TCHP: variants seen among roughly 807,000 people sequenced by gnomAD.
The protein encoded by TCHP is trichoplein keratin filament binding.
Under a neutral mutation model 88.7 loss-of-function variants are expected in TCHP, and 81 were observed. The observed-to-expected ratio is 0.91, with a 90% CI of 0.76 to 1.10. TCHP has a LOEUF of 1.10. Ranked by LOEUF, TCHP falls within the 50% of genes least tolerant of loss-of-function variation. The probability of loss-of-function intolerance (pLI) is 0.00; values close to 1 mark genes in which losing one functional copy is unlikely to be tolerated. For synonymous variants in TCHP, 232 were observed against 232.5 expected, an observed-to-expected ratio of 1.00 and a Z score of 0.02; for missense variants, 641 against 632.1, an observed-to-expected ratio of 1.01 and a Z score of -0.15.
intron 9 of TCHP, 88 bp from the exon 10 acceptor site, chr12:109,912,879 TCTGCAGTGTGGTCCTGCAGAAGCC>T (rs1373371067): frequency 1.3e-6 from 1 of 771,930 alleles, no homozygotes; most frequent in Non-Finnish European, 2.3e-6. Context: ...TGGATGTTTA[TCTGCAGTGTGGTCCTGCAGAAGCC>T]ATGTGCCCTG....
the TCHP span, among the ~76,000 whole-genome samples, chr12:109,885,388 A>G: frequency 5.3e-5 from 8 of 152,184 alleles, no homozygotes; most frequent in Admixed American, 1.3e-4. Context: ...TGTGTCACAA[A>G]CTATCACAGA....
the TCHP span, among the ~76,000 whole-genome samples, chr12:109,882,352 T>C: frequency 6.7e-6 from 1 of 150,000 alleles, no homozygotes; most frequent in African/African-American, 2.5e-5. Context: ...GAGAATTGCT[T>C]GAACCAGGGA....
the TCHP span, among the ~76,000 whole-genome samples, chr12:109,891,587 A>G: frequency 6.6e-6 from 1 of 150,542 alleles, no homozygotes; most frequent in Non-Finnish European, 1.5e-5. Context: ...TTTTTAGTAG[A>G]GACTGGTTTC....
chr12:109,894,830 T>C, the TCHP span, among the ~76,000 whole-genome samples: 1 of 144,234 alleles, frequency 6.9e-6, no homozygotes, highest in African/African-American at 2.6e-5. Flanking sequence ...CAGGTTTCCC[T>C]CAGGGAGTTC....
At chr12:109,885,311 G>T in the TCHP span, among the ~76,000 whole-genome samples, 1 of 152,034 alleles carries the variant, frequency 6.6e-6, no homozygotes, top group Non-Finnish European at 1.5e-5. Flanking sequence ...TTTTGGTTTT[G>T]TCTGATGTTT....
intron 8 of TCHP, among the ~76,000 whole-genome samples, chr12:109,910,503 G>A (rs768974517): frequency 2.6e-5 from 4 of 152,138 alleles, no homozygotes; most frequent in Non-Finnish European, 4.4e-5. Context: ...TTGCTACATT[G>A]CCCAGGCTGG....
intron 8 of TCHP, among the ~76,000 whole-genome samples, chr12:109,909,869 ACAGAAGAAT>A (rs1870385676): frequency 1.3e-5 from 2 of 152,276 alleles, no homozygotes; most frequent in East Asian, 3.9e-4. Context: ...GGAGGCAGAG[ACAGAAGAAT>A]CATTTGAACC....
intron 1 of TCHP, among the ~76,000 whole-genome samples, chr12:109,901,998 A>T (rs762407518): frequency 6.6e-6 from 1 of 152,170 alleles, no homozygotes; most frequent in African/African-American, 2.4e-5. Context: ...AAAAAAAGTC[A>T]TATGTATTGA....
At chr12:109,896,518 G>A (rs368243246), upstream of TCHP, among the ~76,000 whole-genome samples, 7 of 152,256 alleles carry the variant, frequency 4.6e-5, no homozygotes, top group East Asian at 1.9e-4. Flanking sequence ...AGAAATGCTC[G>A]TTCCTTTTCT....
At chr12:109,881,576 C>A in the TCHP span, among the ~76,000 whole-genome samples, 1 of 152,224 alleles carries the variant, frequency 6.6e-6, no homozygotes, top group African/African-American at 2.4e-5. Context: ...GTGGGGTGGA[C>A]TTTTCGTTCT....
At position 109,917,693 on chromosome 12, in the gene TCHP, A is replaced by G. The variant is rs957203709; in HGVS notation, c.*1070A>G. ...TCTACATTCATTTCTACAAACAGGAACAAGTTCCTTGCAGCAATAATATTA... is the reference window on the plus strand; with the variant it reads ...TCTACATTCATTTCTACAAACAGGAGCAAGTTCCTTGCAGCAATAATATTA... On this transcript the variant is annotated 3_prime_UTR_variant, in exon 13 of 13. Coordinates refer to ENST00000405876, the MANE Select transcript of TCHP (RefSeq NM_001143852.2). The G allele has an allele frequency of 2.6e-5, 4 of 152,594 alleles. No homozygotes were observed. The highest frequency in any genetic ancestry group is 5.9e-5 in the Non-Finnish European group (4 of 68,030). 9.5% of individuals were successfully genotyped at this position (152,594 alleles called of 1,614,324 possible).
intron 6 of TCHP, among the ~76,000 whole-genome samples, chr12:109,907,968 CCTT>C (rs1415582333): frequency 1.3e-5 from 2 of 152,204 alleles, no homozygotes; most frequent in Admixed American, 6.5e-5. Flanking sequence ...TGTTGGAGAA[CCTT>C]CTTAGAATCT....
upstream of TCHP, among the ~76,000 whole-genome samples, chr12:109,899,360 C>G (rs764626283): frequency 6.6e-6 from 1 of 152,160 alleles, no homozygotes; most frequent in Non-Finnish European, 1.5e-5. Flanking sequence ...AAGTTATCGG[C>G]CGGGTGCAGT....
At chr12:109,907,362 C>T (rs1870198210) in intron 5 of TCHP, among the ~76,000 whole-genome samples, 164 bp from the exon 6 acceptor site, 1 of 152,164 alleles carries the variant, frequency 6.6e-6, no homozygotes, top group Non-Finnish European at 1.5e-5. Flanking sequence ...GGAGGAAACC[C>T]AACATTATTG....
intron 6 of TCHP, 119 bp downstream of exon 6, chr12:109,907,818 G>T: frequency 8.7e-7 from 1 of 1,146,886 alleles, no homozygotes. Flanking sequence ...TGCAAAGGGC[G>T]GCAGCAGCCG....
chr12:109,903,843 C>A lies in TCHP; in HGVS notation c.189-94C>A. The stretch of plus-strand genomic sequence containing the variant: ...GACACATTCCTGTGTCGTCATGACA[C>A]ATCTACCTCAGCCTCTTTTACCGAC... On this transcript the variant is annotated intron_variant, in intron 2 of 12. Transcript: ENST00000405876. This position sits in a 1 kb window ranked among gnomAD's most constrained non-coding sequence, Gnocchi z 4.6. The A allele has an allele frequency of 1.0e-6, 1 of 986,900 alleles. No homozygotes were observed. The highest frequency in any genetic ancestry group is 1.6e-6 in the Non-Finnish European group (1 of 639,376). 61.1% of individuals were successfully genotyped at this position (986,900 alleles called of 1,614,324 possible).
At chr12:109,908,473 TG>T in intron 6 of TCHP, 112 bp from the exon 7 acceptor site, 3 of 832,686 alleles carry the variant, frequency 3.6e-6, no homozygotes, top group South Asian at 1.6e-5. Flanking sequence ...ACCACCTGCA[TG>T]GCCAGGCCTC....
At chr12:109,916,430 G>A (rs949110460) in intron 12 of TCHP, among the ~76,000 whole-genome samples, 161 bp from the exon 13 acceptor site, 1 of 152,182 alleles carries the variant, frequency 6.6e-6, no homozygotes, top group Non-Finnish European at 1.5e-5. Context: ...AAACCAAAAA[G>A]ATATCAAGTG....
chr12:109,885,008 G>A, the TCHP span, among the ~76,000 whole-genome samples: 18 of 152,112 alleles, frequency 1.2e-4, no homozygotes, highest in Admixed American at 6.5e-4. Flanking sequence ...TCACTCTGTC[G>A]CCTAGGCTGG....
Sources: gnomAD v4.1 joint callset for allele counts (sites outside exome capture counted in the v4.1 genomes callset) on GRCh38, gnomAD v4.1.1 for gene constraint, Gnocchi (gnomAD v3.1) non-coding constraint, MANE v1.5 for transcripts, NCBI Gene and HGNC (gene_info 2026-07-23, HGNC 2026-07-21) for gene names.